MED12L: variants seen among roughly 807,000 people sequenced by gnomAD.
MED12L encodes the protein mediator of RNA polymerase II transcription subunit 12-like protein.
MED12L carries 60 observed loss-of-function variants against 281.3 expected under a neutral mutation model. The ratio of observed to expected loss-of-function variants is 0.21; its 90% CI spans 0.17 to 0.26. MED12L has a LOEUF of 0.26. Ranked by LOEUF, MED12L falls within the 10% of genes least tolerant of loss-of-function variation. The probability of loss-of-function intolerance (pLI) is 1.00; values close to 1 mark genes in which losing one functional copy is unlikely to be tolerated. For synonymous variants in MED12L, 974 were observed against 987.2 expected (o/e 0.99, Z 0.25); for missense variants, 2,146 against 2,680.9 (o/e 0.80, Z 4.41).
intron 16 of MED12L, among the ~76,000 whole-genome samples, chr3:151,248,406 A>T (rs1257604147): frequency 6.6e-6 from 1 of 152,118 alleles, no homozygotes; most frequent in Non-Finnish European, 1.5e-5. Context: ...GTAGAGTTTT[A>T]GCATTTTGTG....
chr3:151,328,124 C>A, intron 16 of MED12L: 3 of 1,613,058 alleles, frequency 1.9e-6, no homozygotes, highest in Non-Finnish European at 2.5e-6. Context: ...GGGATCCATA[C>A]AAATGTTAGT....
intron 4 of MED12L, among the ~76,000 whole-genome samples, chr3:151,123,460 GT>G (rs1172668305): frequency 2.7e-4 from 41 of 152,298 alleles, no homozygotes; most frequent in African/African-American, 9.6e-4. Flanking sequence ...AAATGGGCAG[GT>G]TTATTCATAG....
chr3:151,246,206 T>C (rs988081390), intron 16 of MED12L, among the ~76,000 whole-genome samples: 4 of 152,302 alleles, frequency 2.6e-5, no homozygotes, highest in African/African-American at 9.6e-5. Flanking sequence ...CAAGGTAATT[T>C]ATAGATTCAA....
At chr3:151,403,254 A>G (rs990043638) in intron 39 of MED12L, among the ~76,000 whole-genome samples, 1 of 152,102 alleles carries the variant, frequency 6.6e-6, no homozygotes, top group African/African-American at 2.4e-5. Flanking sequence ...ATATACATCT[A>G]TGGTATAGAA....
chr3:151,247,365 A>G (rs959554196), intron 16 of MED12L, among the ~76,000 whole-genome samples: 2 of 152,246 alleles, frequency 1.3e-5, no homozygotes, highest in Admixed American at 6.5e-5. Context: ...AACCAAGCCA[A>G]ATGTCCAACA....
intron 19 of MED12L, among the ~76,000 whole-genome samples, chr3:151,356,623 G>GT (rs888903146): frequency 1.5e-3 from 226 of 150,104 alleles, no homozygotes; most frequent in Admixed American, 4.0e-3. Flanking sequence ...TGTTTCTTCT[G>GT]TTTTTTTTTG....
Position 151,434,210 on chromosome 3 carries a change from C to G in MED12L, c.*1406C>G, listed in dbSNP as rs953462417. 1 of 152,148 alleles carries G rather than the reference C, an allele frequency of 6.6e-6. No individual in the cohort carries two copies. Among genetic ancestry groups the G allele is most frequent in the African/African-American group, 2.4e-5 (1 of 41,430 alleles). 9.4% of individuals were successfully genotyped at this position (152,148 alleles called of 1,614,324 possible). ...AATAGACTTGTCTATAATGAGCAGA[C>G]CATGTAAATCTACTTTTTTTAAAAT... On this transcript the variant is annotated 3_prime_UTR_variant, in exon 45 of 45. Transcript: ENST00000687756.
At chr3:151,190,076 A>G (rs1257160901) in intron 13 of MED12L, among the ~76,000 whole-genome samples, 1 of 152,200 alleles carries the variant, frequency 6.6e-6, no homozygotes, top group Admixed American at 6.5e-5. Flanking sequence ...TTTATTAGTA[A>G]AACCAGAGGA....
rs778590238 is a variant in MED12L, at chr3:151,198,612, T to C, written c.2250+4946T>C. ...TTGGCTTTGAAGAGTGAAATCCTGG[T>C]TGAGCAATCAGTTATGACTTCTGTC... is the stretch of plus-strand genomic sequence containing the variant. On this transcript the variant is annotated intron_variant, in intron 16 of 44. Transcript: ENST00000687756. The C allele has an allele frequency of 3.6e-5, 58 of 1,613,908 alleles. 1 individual carries two copies. In the South Asian group the frequency reaches 5.6e-4, roughly 16 times the overall value.
chr3:151,171,391 C>G (rs1466728172), intron 11 of MED12L, among the ~76,000 whole-genome samples: 2 of 152,090 alleles, frequency 1.3e-5, no homozygotes, highest in Non-Finnish European at 2.9e-5. Context: ...TAGGGTGCCT[C>G]AAGGACATGG....
chr3:151,386,897 C>T (rs574116692), intron 36 of MED12L, among the ~76,000 whole-genome samples: 24 of 151,970 alleles, frequency 1.6e-4, no homozygotes, highest in Non-Finnish European at 2.9e-4. Flanking sequence ...TTAGTAGAGA[C>T]GGGGTTTCAC....
chr3:151,314,345 G>A (rs951512708), intron 16 of MED12L, among the ~76,000 whole-genome samples: 7 of 152,172 alleles, frequency 4.6e-5, no homozygotes, highest in Admixed American at 2.6e-4. Context: ...AGAGGATTTC[G>A]TAATATTTGT....
intron 2 of MED12L, among the ~76,000 whole-genome samples, chr3:151,090,701 G>C (rs1719910864): frequency 6.6e-6 from 1 of 152,188 alleles, no homozygotes; most frequent in Admixed American, 6.5e-5. Flanking sequence ...GTAAAATTAA[G>C]CTCCAGAAGT....
At chr3:151,199,363 G>A (rs763495491) in intron 16 of MED12L, 106 of 1,610,940 alleles carry the variant, frequency 6.6e-5, no homozygotes, top group Non-Finnish European at 8.7e-5. Flanking sequence ...TATAAACTGG[G>A]CAGAAGAACG....
At chr3:151,346,733 C>T (rs900066549) in intron 16 of MED12L, among the ~76,000 whole-genome samples, 1 of 152,082 alleles carries the variant, frequency 6.6e-6, no homozygotes, top group African/African-American at 2.4e-5. Flanking sequence ...CCCTTCTTCC[C>T]TAAACATAAT....
At chr3:151,293,647 A>C (rs1378460699) in intron 16 of MED12L, among the ~76,000 whole-genome samples, 1 of 35,858 alleles carries the variant, frequency 2.8e-5, no homozygotes, top group Non-Finnish European at 7.3e-5. Context: ...TTACACACAC[A>C]CACACACACA....
intron 2 of MED12L, among the ~76,000 whole-genome samples, chr3:151,106,594 T>C (rs1722100762): frequency 6.6e-6 from 1 of 152,192 alleles, no homozygotes; most frequent in Admixed American, 6.5e-5. Flanking sequence ...TCTTGTCTTT[T>C]ACAGCTGCAT....
In MED12L at chr3:151,436,025, G is replaced by A. The variant is rs1393719217; in HGVS notation, c.*3221G>A. On this transcript the variant is annotated 3_prime_UTR_variant, in exon 45 of 45. Transcript: ENST00000687756. ...AAAACCTTTTTAATGGGTGTATTTG[G>A]ACAAAAATAACCCCCTTTTCACATT... 6.6e-6 allele frequency: 1 copy of A among 152,014 alleles called. No individual in the cohort carries two copies. The highest frequency in any genetic ancestry group is 1.5e-5 in the Non-Finnish European group (1 of 67,996). 9.4% of individuals were successfully genotyped at this position (152,014 alleles called of 1,614,324 possible).
At chr3:151,088,344 C>T (rs1471971115) in intron 2 of MED12L, among the ~76,000 whole-genome samples, 5 of 152,070 alleles carry the variant, frequency 3.3e-5, no homozygotes, top group African/African-American at 1.2e-4. Context: ...TTTTCCTACC[C>T]GTTACCCCAC....
Sources: allele counts gnomAD v4.1 joint callset (sites outside exome capture counted in the v4.1 genomes callset), GRCh38; gene constraint gnomAD v4.1.1; transcripts MANE v1.5; gene names NCBI Gene and HGNC (gene_info 2026-07-23, HGNC 2026-07-21).